TXN: variants seen among roughly 807,000 people sequenced by gnomAD.
TXN encodes the protein ADF.
In TXN, 10 loss-of-function variants were observed where a neutral mutation model predicts 16.5. That is an observed-to-expected ratio of 0.61 (90% confidence interval 0.37 to 1.03). The LOEUF is 1.03. Among genes scored for constraint, TXN ranks in the 50% least tolerant of loss-of-function variants. TXN has a pLI of 0.01. For synonymous variants in TXN, 35 were observed against 39.4 expected (o/e 0.89, Z 0.42); for missense variants, 71 against 122.5 (o/e 0.58, Z 1.98).
rs1837643898 is a variant in TXN, at chr9:110,245,641, TATA to T, written c.190-801_190-799del. Reference sequence around the variant, plus strand: ...CACTATATATATATATATATATATATATATATATATATATTTTTTTTTTTTTTT... The same window carrying T: ...CACTATATATATATATATATATATATTATATATATATTTTTTTTTTTTTTT... On this transcript the variant is annotated intron_variant, in intron 3 of 4. Coordinates refer to ENST00000374517, the MANE Select transcript of TXN (RefSeq NM_003329.4). Among the ~76,000 whole-genome samples, 5 of 32,874 alleles carry T rather than the reference TATA, an allele frequency of 1.5e-4. 1 individual carries two copies. Among genetic ancestry groups the T allele is most frequent in the African/African-American group, 5.4e-4 (4 of 7,380 alleles). 21.6% of individuals were successfully genotyped at this position (32,874 alleles called of 152,430 possible).
intron 1 of TXN, among the ~76,000 whole-genome samples, chr9:110,254,885 C>T (rs1206042272): frequency 6.6e-6 from 1 of 152,166 alleles, no homozygotes; most frequent in Non-Finnish European, 1.5e-5. Context: ...AACAGAATCC[C>T]AGCCCCACTC....
chr9:110,248,418 T>C (rs1182085095), intron 3 of TXN, among the ~76,000 whole-genome samples: 1 of 152,184 alleles, frequency 6.6e-6, no homozygotes, highest in Non-Finnish European at 1.5e-5. Context: ...TACTTACTGT[T>C]GTGTTATAAC....
In TXN at chr9:110,256,366, G is replaced by C. The variant is rs750181596; in HGVS notation, c.24+46C>G. ...CGCCACCGCCTTCCCCAGTTACAGA[G>C]GCCGCGCGCGGCGCCGGCACCCTGG... is the stretch of plus-strand genomic sequence containing the variant. On this transcript the variant is annotated intron_variant, in intron 1 of 4. Coordinates refer to ENST00000374517, the MANE Select transcript of TXN (RefSeq NM_003329.4). This position sits in a 1 kb window ranked among gnomAD's most constrained non-coding sequence, Gnocchi z 4.2. 5.7e-6 allele frequency: 9 copies of C among 1,588,454 alleles called. No homozygotes were observed. Among genetic ancestry groups the C allele is most frequent in the Non-Finnish European group, 7.7e-6 (9 of 1,167,682 alleles).
At chr9:110,255,826 G>T (rs1365320214) in intron 1 of TXN, among the ~76,000 whole-genome samples, 1 of 152,196 alleles carries the variant, frequency 6.6e-6, no homozygotes, top group Admixed American at 6.5e-5. Flanking sequence ...GGCAGGCGGG[G>T]GTCTCCGGCC....
chr9:110,251,326 C>G (rs997392), intron 2 of TXN, 32 bp downstream of exon 2: 56,760 of 1,513,386 alleles, frequency 0.038, 2,842 homozygotes, highest in African/African-American at 0.21. Context: ...AAACACAAAT[C>G]TCTTACAAAG....
Position 110,256,387 on chromosome 9 carries a change from C to T in TXN, c.24+25G>A, listed in dbSNP as rs565738305. On this transcript the variant is annotated intron_variant, in intron 1 of 4. Transcript: ENST00000374517. This position sits in a 1 kb window ranked among gnomAD's most constrained non-coding sequence, Gnocchi z 4.2. Reference sequence around the variant, plus strand: ...CAGAGGCCGCGCGCGGCGCCGGCACCCTGGCCTTCCCCGGTAGCGCGTACC... The same window carrying T: ...CAGAGGCCGCGCGCGGCGCCGGCACTCTGGCCTTCCCCGGTAGCGCGTACC... The T allele has an allele frequency of 3.4e-5, 55 of 1,602,816 alleles. 1 individual carries two copies. In the South Asian group the frequency reaches 5.8e-4, roughly 17 times the overall value.
intron 3 of TXN, among the ~76,000 whole-genome samples, chr9:110,250,241 A>G (rs570835211): frequency 1.3e-5 from 2 of 152,390 alleles, no homozygotes; most frequent in South Asian, 4.1e-4. Flanking sequence ...ACTGATACTT[A>G]AAAACCACCC....
At chr9:110,252,240 A>AAAAAAAAAAAAAAAAAAAAAAC (rs1837750383) in intron 1 of TXN, among the ~76,000 whole-genome samples, 1 of 151,260 alleles carries the variant, frequency 6.6e-6, no homozygotes, top group African/African-American at 2.4e-5. Context: ...AAAAAAAAAA[A>AAAAAAAAAAAAAAAAAAAAAAC]AAAAAGCTAT....
chr9:110,245,406 CTGA>C (rs1351327683), intron 3 of TXN, among the ~76,000 whole-genome samples: 1 of 150,692 alleles, frequency 6.6e-6, no homozygotes, highest in African/African-American at 2.4e-5. Flanking sequence ...ACTGGGTTTA[CTGA>C]TTATTATTAT....
At chr9:110,247,220 G>A (rs1837670622) in intron 3 of TXN, among the ~76,000 whole-genome samples, 1 of 152,110 alleles carries the variant, frequency 6.6e-6, no homozygotes, top group Non-Finnish European at 1.5e-5. Flanking sequence ...CTACTCAGGA[G>A]GCTGAGGCAG....
At position 110,250,709 on chromosome 9, in the gene TXN, G is replaced by A. The variant is rs2118574652; in HGVS notation, c.189+111C>T. On this transcript the variant is annotated intron_variant, in intron 3 of 4. Coordinates refer to ENST00000374517, the MANE Select transcript of TXN (RefSeq NM_003329.4). Reference sequence around the variant, plus strand: ...TTCTGAGATAGAACTTTTTAGATAGGATTACAGTTCTAGAATTATTTGACA... The same window carrying A: ...TTCTGAGATAGAACTTTTTAGATAGAATTACAGTTCTAGAATTATTTGACA... 15 of 905,814 alleles carry A rather than the reference G, an allele frequency of 1.7e-5. 1 individual carries two copies. The South Asian group carries it at 2.3e-4, about 14-fold the overall frequency. 56.1% of individuals were successfully genotyped at this position (905,814 alleles called of 1,614,324 possible).
intron 3 of TXN, among the ~76,000 whole-genome samples, chr9:110,247,987 G>A (rs1431516169): frequency 2.0e-5 from 3 of 152,110 alleles, no homozygotes; most frequent in African/African-American, 7.2e-5. Context: ...CTAGGCTAAT[G>A]TATGTGTTTG....
intron 3 of TXN, among the ~76,000 whole-genome samples, chr9:110,247,898 C>T (rs996478948): frequency 4.6e-5 from 7 of 152,152 alleles, no homozygotes; most frequent in Admixed American, 1.3e-4. Flanking sequence ...ATGCATGTTA[C>T]TGTCCCTGAA....
intron 1 of TXN, among the ~76,000 whole-genome samples, chr9:110,252,205 T>C (rs10980287): frequency 0.05 from 5,818 of 117,268 alleles, 197 homozygotes; most frequent in Admixed American, 0.11. Context: ...TCCTGGGCAA[T>C]AGACGGAGAC....
intron 3 of TXN, among the ~76,000 whole-genome samples, chr9:110,248,942 G>A (rs4135200): frequency 0.021 from 3,141 of 151,666 alleles, 104 homozygotes; most frequent in African/African-American, 0.072. Context: ...GTGAAACCCC[G>A]TCTCTACTGG....
chr9:110,246,619 C>T (rs1053098349), intron 3 of TXN, among the ~76,000 whole-genome samples: 3 of 152,110 alleles, frequency 2.0e-5, no homozygotes, highest in Non-Finnish European at 4.4e-5. Context: ...CGGAAACCAA[C>T]GGAGAATTCT....
At chr9:110,244,293 ATGTATT>A in intron 4 of TXN, 74 bp from the exon 5 acceptor site, 1 of 549,468 alleles carries the variant, frequency 1.8e-6, no homozygotes, top group Non-Finnish European at 2.8e-6. Flanking sequence ...ATGTATAAAT[ATGTATT>A]TATATATATA....
rs538456258 is a variant in TXN at position 110,249,563 on chromosome 9, G to A, written c.189+1257C>T. On this transcript the variant is annotated intron_variant, in intron 3 of 4. Coordinates refer to ENST00000374517, the MANE Select transcript of TXN (RefSeq NM_003329.4). ...TAGGGCACACAAGGCGGTAAGTGGA[G>A]AAGGGGTGAAGCTCATGACAAGGAG... is the stretch of plus-strand genomic sequence containing the variant. Among the ~76,000 whole-genome samples the A allele has an allele frequency of 4.6e-5, 7 of 152,274 alleles. No individual in the cohort carries two copies. In the South Asian group the frequency reaches 1.2e-3, roughly 27 times the overall value.
chr9:110,247,248 G>T (rs949704784), intron 3 of TXN, among the ~76,000 whole-genome samples: 3 of 151,816 alleles, frequency 2.0e-5, no homozygotes, highest in East Asian at 3.9e-4. Flanking sequence ...GCTTGAACCC[G>T]GGAGGTGGAG....
Sources: allele counts gnomAD v4.1 joint callset (sites outside exome capture counted in the v4.1 genomes callset), GRCh38; gene constraint gnomAD v4.1.1; non-coding constraint Gnocchi (gnomAD v3.1); transcripts MANE v1.5; gene names NCBI Gene and HGNC (gene_info 2026-07-23, HGNC 2026-07-21).